Variants in GPC6 observed in about 807,000 individuals in gnomAD.
GPC6 encodes glypican-6.
A neutral mutation model predicts 55.2 loss-of-function variants in GPC6; 14 were observed. The observed-to-expected ratio is 0.25, with a 90% CI of 0.17 to 0.40. The LOEUF is 0.40. GPC6 is among the 10% of genes least tolerant of loss of function. The pLI, the probability that GPC6 is intolerant of heterozygous loss-of-function variation, is 1.00. For missense variants in GPC6, 641 were observed against 708.5 expected, an observed-to-expected ratio of 0.90 and a Z score of 1.08; for synonymous variants, 278 against 259.6, an observed-to-expected ratio of 1.07 and a Z score of -0.68.
At chr13:93,451,859 A>C (rs1234301886) in intron 1 of GPC6, among the ~76,000 whole-genome samples, 1 of 152,214 alleles carries the variant, frequency 6.6e-6, no homozygotes, top group African/African-American at 2.4e-5. Flanking sequence ...TAATGCATTT[A>C]ATTACTATTG....
intron 4 of GPC6, among the ~76,000 whole-genome samples, chr13:94,029,690 G>T (rs1439716023): frequency 6.6e-6 from 1 of 152,204 alleles, no homozygotes; most frequent in Admixed American, 6.5e-5. Context: ...AGATGGGCAT[G>T]TGGGTTTTGT....
rs1288901347 is a variant in GPC6, at chr13:94,232,524, G to A, written c.878-53825G>A. ...CAAAGCAATTGCCCCCCTTCAGGAG[G>A]TGGGTTTTTTTTGGGGGGGTGGGGC... On this transcript the variant is annotated intron_variant, in intron 4 of 8. Coordinates refer to ENST00000377047, the MANE Select transcript of GPC6 (RefSeq NM_005708.5). 3.9e-5 allele frequency among the ~76,000 whole-genome samples: 6 copies of A among 152,080 alleles called. No homozygotes were observed. The South Asian group carries it at 6.3e-4, about 16-fold the overall frequency.
At chr13:94,228,629 A>G (rs1185138956) in intron 4 of GPC6, among the ~76,000 whole-genome samples, 1 of 152,084 alleles carries the variant, frequency 6.6e-6, no homozygotes. Context: ...AAGTTATCCC[A>G]GAGTAAAACA....
At chr13:94,099,383 G>A (rs773578445) in intron 4 of GPC6, among the ~76,000 whole-genome samples, 8 of 151,914 alleles carry the variant, frequency 5.3e-5, no homozygotes, top group Non-Finnish European at 7.4e-5. Flanking sequence ...GCACATTCAC[G>A]GGTATTTTGC....
intron 1 of GPC6, among the ~76,000 whole-genome samples, chr13:93,429,429 G>A (rs983347711): frequency 7.2e-5 from 11 of 152,108 alleles, no homozygotes; most frequent in Non-Finnish European, 1.3e-4. Flanking sequence ...GTGAGGATAA[G>A]GTGCTTTTTG....
At chr13:93,555,908 A>T (rs1279689304) in intron 2 of GPC6, among the ~76,000 whole-genome samples, 1 of 152,154 alleles carries the variant, frequency 6.6e-6, no homozygotes, top group Non-Finnish European at 1.5e-5. Context: ...CTTACGTGGA[A>T]TTGAGAGGTT....
intron 1 of GPC6, among the ~76,000 whole-genome samples, chr13:93,284,590 A>G (rs1262302146): frequency 2.6e-5 from 4 of 152,174 alleles, no homozygotes; most frequent in Non-Finnish European, 4.4e-5. Flanking sequence ...GAAGCTGTTT[A>G]TATAGAGCAT....
intron 6 of GPC6, among the ~76,000 whole-genome samples, chr13:94,343,813 T>G (rs1878156487): frequency 6.6e-6 from 1 of 152,148 alleles, no homozygotes; most frequent in African/African-American, 2.4e-5. Context: ...CACTGCAGCC[T>G]CAACTTCCCC....
chr13:93,456,590 G>T (rs1488139957), intron 1 of GPC6, among the ~76,000 whole-genome samples: 1 of 151,986 alleles, frequency 6.6e-6, no homozygotes, highest in Non-Finnish European at 1.5e-5. Flanking sequence ...CGCAAACTGG[G>T]TGACTTAGCA....
intron 4 of GPC6, among the ~76,000 whole-genome samples, chr13:94,160,784 T>C (rs1888132970): frequency 6.6e-6 from 1 of 152,238 alleles, no homozygotes; most frequent in Non-Finnish European, 1.5e-5. Context: ...TCAAAATAAC[T>C]AACCTAGAAG....
intron 4 of GPC6, among the ~76,000 whole-genome samples, chr13:94,082,061 G>A (rs1317359801): frequency 5.3e-5 from 8 of 151,816 alleles, no homozygotes; most frequent in Admixed American, 4.6e-4. Flanking sequence ...GGCTGTTCTT[G>A]AACTCCTGAC....
chr13:93,404,924 A>G (rs760276375), intron 1 of GPC6, among the ~76,000 whole-genome samples: 5 of 152,198 alleles, frequency 3.3e-5, no homozygotes, highest in Admixed American at 6.5e-5. Context: ...CTCATTAATC[A>G]AATACTTGAA....
intron 4 of GPC6, among the ~76,000 whole-genome samples, chr13:94,044,284 A>T (rs1476664306): frequency 6.6e-6 from 1 of 151,960 alleles, no homozygotes; most frequent in African/African-American, 2.4e-5. Flanking sequence ...CATACTGTAG[A>T]TATTCTTTTA....
intron 1 of GPC6, among the ~76,000 whole-genome samples, chr13:93,334,454 T>C (rs998969989): frequency 6.6e-6 from 1 of 152,078 alleles, no homozygotes; most frequent in Non-Finnish European, 1.5e-5. Flanking sequence ...CATTCTGACA[T>C]TGATTCTTCT....
intron 4 of GPC6, among the ~76,000 whole-genome samples, chr13:94,173,245 A>C (rs1481917268): frequency 6.6e-6 from 1 of 152,182 alleles, no homozygotes; most frequent in Non-Finnish European, 1.5e-5. Context: ...AAAGAATGGC[A>C]CAAGAAATTG....
At chr13:94,052,836 C>G (rs1883998892) in intron 4 of GPC6, among the ~76,000 whole-genome samples, 1 of 152,090 alleles carries the variant, frequency 6.6e-6, no homozygotes, top group Admixed American at 6.6e-5. Context: ...AGCTATGCCC[C>G]TTGGGACTCT....
chr13:93,452,020 G>A (rs932513534), intron 1 of GPC6, among the ~76,000 whole-genome samples: 4 of 152,020 alleles, frequency 2.6e-5, no homozygotes, highest in South Asian at 2.1e-4. Flanking sequence ...TCTCTGGGTC[G>A]CTTCAAGTTG....
At chr13:93,646,762 G>A (rs1416665592) in intron 2 of GPC6, among the ~76,000 whole-genome samples, 2 of 151,614 alleles carry the variant, frequency 1.3e-5, no homozygotes, top group East Asian at 1.9e-4. Flanking sequence ...TTAGATAGAA[G>A]CACAAGTTTA....
rs747958123 is a variant in GPC6, at chr13:94,286,329, A to G, written c.878-20A>G. The G allele has an allele frequency of 4.3e-6, 7 of 1,613,396 alleles. No homozygotes were observed. Among genetic ancestry groups the G allele is most frequent in the Non-Finnish European group, 3.4e-6 (4 of 1,179,550 alleles). On this transcript the variant is annotated intron_variant, in intron 4 of 8. Coordinates refer to ENST00000377047, the MANE Select transcript of GPC6 (RefSeq NM_005708.5). Reference sequence around the variant, plus strand: ...GGAGCTCCCAGTTTGCAAATAAATCATGTTCCTGTATTTTAACAGATGCAA... The same window carrying G: ...GGAGCTCCCAGTTTGCAAATAAATCGTGTTCCTGTATTTTAACAGATGCAA...
Sources: gnomAD v4.1 joint callset for allele counts (sites outside exome capture counted in the v4.1 genomes callset) on GRCh38, gnomAD v4.1.1 for gene constraint, MANE v1.5 for transcripts, NCBI Gene and HGNC (gene_info 2026-07-23, HGNC 2026-07-21) for gene names.